The following ELL variants were observed in gnomAD, a reference collection of about 807,000 sequenced individuals.
ELL encodes elongation factor for RNA polymerase II.
In ELL, 18 loss-of-function variants were observed where a neutral mutation model predicts 64.0. That is an observed-to-expected ratio of 0.28 (90% CI 0.19 to 0.42). The LOEUF is 0.42. Ranked by LOEUF, ELL falls within the 10% of genes least tolerant of loss-of-function variation. ELL has a pLI of 1.00. For missense variants in ELL, 797 were observed against 870.4 expected (o/e 0.92, Z 1.06); for synonymous variants, 399 against 376.2 (o/e 1.06, Z -0.70).
At chr19:18,506,819 C>T (rs1975892960) in intron 1 of ELL, among the ~76,000 whole-genome samples, 1 of 152,202 alleles carries the variant, frequency 6.6e-6, no homozygotes, top group South Asian at 2.1e-4. Flanking sequence ...TTAGAGGGAA[C>T]TCTCCCCACA....
chr19:18,445,332 A>G, intron 10 of ELL, 64 bp from the exon 11 acceptor site: 5 of 989,238 alleles, frequency 5.1e-6, no homozygotes, highest in Non-Finnish European at 7.4e-6. Flanking sequence ...ACCCAAATTG[A>G]GTGGTCCCAG....
At chr19:18,451,092 T>TG (rs1974522745) in intron 7 of ELL, 117 bp from the exon 8 acceptor site, 1 of 1,356,910 alleles carries the variant, frequency 7.4e-7, no homozygotes, top group South Asian at 1.8e-5. Flanking sequence ...GCTGGCCACA[T>TG]GGGGGCGCCC....
chr19:18,478,350 G>A (rs1244242181), intron 1 of ELL, among the ~76,000 whole-genome samples: 3 of 152,160 alleles, frequency 2.0e-5, no homozygotes, highest in Non-Finnish European at 2.9e-5. Context: ...TTAAATAACG[G>A]GGTAACTCAG....
chr19:18,488,939 C>A (rs1975473037), intron 1 of ELL, among the ~76,000 whole-genome samples: 1 of 152,232 alleles, frequency 6.6e-6, no homozygotes, highest in Admixed American at 6.5e-5. Context: ...CCTGGACCGG[C>A]TGACCAGAGT....
chr19:18,478,261 G>A (rs1975220769), intron 1 of ELL, among the ~76,000 whole-genome samples: 1 of 152,212 alleles, frequency 6.6e-6, no homozygotes, highest in South Asian at 2.1e-4. Context: ...AAGCAGGACA[G>A]AGGGTCAGGA....
chr19:18,493,534 T>C (rs1022601197), intron 1 of ELL, among the ~76,000 whole-genome samples: 3 of 151,486 alleles, frequency 2.0e-5, no homozygotes, highest in African/African-American at 7.3e-5. Context: ...GAGGAGAGAG[T>C]GACATGAACA....
chr19:18,488,715 G>A (rs1050840954), intron 1 of ELL, among the ~76,000 whole-genome samples: 2 of 152,158 alleles, frequency 1.3e-5, no homozygotes, highest in African/African-American at 4.8e-5. Context: ...ACAGGGCTGC[G>A]CATCTTGGGG....
chr19:18,509,981 G>A (rs1975982029), intron 1 of ELL, among the ~76,000 whole-genome samples: 1 of 152,240 alleles, frequency 6.6e-6, no homozygotes, highest in African/African-American at 2.4e-5. Context: ...TGAAGCCTCA[G>A]TACCTGCAGG....
rs998711322 is a variant in ELL at position 18,497,856 on chromosome 19, T to G, written c.135+24065A>C. On this transcript the variant is annotated intron_variant, in intron 1 of 11. Coordinates refer to ENST00000262809, the MANE Select transcript of ELL (RefSeq NM_006532.4). ...AAAAAAAAAAGATGTCAGCCAGATG[T>G]GATGGCTCATGCCTGTAATTCCAGC... Among the ~76,000 whole-genome samples the G allele has an allele frequency of 4.1e-5, 6 of 146,204 alleles. No homozygotes were observed. In the East Asian group the frequency reaches 1.2e-3, roughly 29 times the overall value.
At position 18,450,667 on chromosome 19, in the gene ELL, G is replaced by A. The variant is rs745441429; in HGVS notation, c.1275C>T (p.Leu425=). 6.5e-5 allele frequency: 103 copies of A among 1,588,514 alleles called. No homozygotes were observed. In the Admixed American group the frequency reaches 1.1e-3, roughly 17 times the overall value. ...EAAAPAPTVR[L]GLPLLTDCAQ... ...CACAGTCCGTCAGCAGGGGCAGGCC[G>A]AGGCGCACAGTGGGGGCTGGGGCAG... The change falls in exon 8 of 12, where the codon CTC becomes CTT. Residue 425 remains leucine, a synonymous_variant. Coordinates refer to ENST00000262809, the MANE Select transcript of ELL (RefSeq NM_006532.4).
At chr19:18,479,448 C>G (rs935732046) in intron 1 of ELL, among the ~76,000 whole-genome samples, 4 of 152,184 alleles carry the variant, frequency 2.6e-5, no homozygotes, top group African/African-American at 2.4e-5. Flanking sequence ...GTACCTCACA[C>G]CTGTAATCCC....
Position 18,451,082 on chromosome 19 carries a change from G to A in ELL, c.967-107C>T, listed in dbSNP as rs962315059. 12 of 1,388,526 alleles carry A rather than the reference G, an allele frequency of 8.6e-6. No homozygotes were observed. The Admixed American group carries it at 2.1e-4, about 25-fold the overall frequency. 86.0% of individuals were successfully genotyped at this position (1,388,526 alleles called of 1,614,324 possible). On this transcript the variant is annotated intron_variant, in intron 7 of 11. Coordinates refer to ENST00000262809, the MANE Select transcript of ELL (RefSeq NM_006532.4). Reference sequence around the variant, plus strand: ...ACCCAACGCCGCCTGCAAGGCCCACGCTGGCCACATGGGGGCGCCCGAGCA... The same window carrying A: ...ACCCAACGCCGCCTGCAAGGCCCACACTGGCCACATGGGGGCGCCCGAGCA...
chr19:18,485,541 G>A (rs1975392588), intron 1 of ELL, among the ~76,000 whole-genome samples: 1 of 152,092 alleles, frequency 6.6e-6, no homozygotes, highest in African/African-American at 2.4e-5. Context: ...GGGAGACCAG[G>A]GAGACCAGGG....
chr19:18,521,854 A>T, intron 1 of ELL, 67 bp downstream of exon 1: 1 of 1,515,594 alleles, frequency 6.6e-7, no homozygotes, highest in Admixed American at 2.0e-5. Flanking sequence ...CGCCTCAGTG[A>T]GGGGAGCGCG....
At chr19:18,465,387 C>T in intron 4 of ELL, 25 bp downstream of exon 4, 1 of 1,572,254 alleles carries the variant, frequency 6.4e-7, no homozygotes, top group Non-Finnish European at 8.7e-7. Context: ...GGCTGCCCTA[C>T]AGCCCTGCCA....
At chr19:18,518,804 G>T (rs1215696809) in intron 1 of ELL, among the ~76,000 whole-genome samples, 1 of 151,688 alleles carries the variant, frequency 6.6e-6, no homozygotes, top group Admixed American at 6.6e-5. Flanking sequence ...AAAAAAAAAG[G>T]AAAGAAAAAC....
chr19:18,462,247 G>T (rs1974836057), intron 4 of ELL, among the ~76,000 whole-genome samples: 1 of 147,444 alleles, frequency 6.8e-6, no homozygotes, highest in South Asian at 2.2e-4. Context: ...CACTCTGGTG[G>T]GCAGTATGTG....
At chr19:18,518,371 C>T (rs1402322054) in intron 1 of ELL, among the ~76,000 whole-genome samples, 2 of 151,630 alleles carry the variant, frequency 1.3e-5, no homozygotes, top group African/African-American at 4.9e-5. Context: ...TGCAGTGGTG[C>T]ACACCTGTGG....
rs1291730347 is a variant in ELL at position 18,522,048 on chromosome 19, G to T, written c.8C>A (p.Ala3Glu). 2.5e-6 allele frequency: 4 copies of T among 1,601,298 alleles called. No homozygotes were observed. Among genetic ancestry groups the T allele is most frequent in the African/African-American group, 2.7e-5 (2 of 73,438 alleles). Residue 3 changes from alanine (A) to glutamate (E), a missense_variant, in exon 1 of 12, where the codon GCG becomes GAG. Physicochemically the swap from Ala to Glu is moderately radical, Grantham distance 107 (BLOSUM62 -1). Coordinates refer to ENST00000262809, the MANE Select transcript of ELL (RefSeq NM_006532.4). MA[A>E]LKEDRSYGLS... ...CCCGTAGCTCCTATCCTCCTTCAGC[G>T]CCGCCATCTTGCGACCATCTCTCCC...
Sources: gnomAD v4.1 joint callset for allele counts (sites outside exome capture counted in the v4.1 genomes callset) on GRCh38, gnomAD v4.1.1 for gene constraint, MANE v1.5 for transcripts, NCBI Gene and HGNC (gene_info 2026-07-23, HGNC 2026-07-21) for gene names.